Variants in FCGR3B observed in about 807,000 individuals in gnomAD.
The protein encoded by FCGR3B is low affinity immunoglobulin gamma Fc region receptor III-B.
FCGR3B carries 20 observed loss-of-function variants against 26.7 expected under a neutral mutation model. The observed-to-expected ratio is 0.75, with a 90% CI of 0.53 to 1.09. The LOEUF is 1.09. Ranked by LOEUF, FCGR3B falls within the 50% of genes least tolerant of loss-of-function variation. FCGR3B has a pLI of 0.00. For synonymous variants in FCGR3B, 79 were observed against 107.0 expected, an observed-to-expected ratio of 0.74 and a Z score of 1.62; for missense variants, 191 against 279.7, an observed-to-expected ratio of 0.68 and a Z score of 2.26.
chr1:161,628,486 G>C (rs959499719), intron 3 of FCGR3B, among the ~76,000 whole-genome samples: 4 of 149,458 alleles, frequency 2.7e-5, no homozygotes, highest in African/African-American at 7.5e-5. Flanking sequence ...GTAACTCCTA[G>C]ACTTGATTTT....
rs371777150 is a variant in FCGR3B, at chr1:161,627,093, G to A, written c.320-691C>T. On this transcript the variant is annotated intron_variant, in intron 3 of 4. Transcript: ENST00000650385. The stretch of plus-strand genomic sequence containing the variant: ...CGCCAGAGCTTATTCTCACAATCAT[G>A]TCACCAAGTAATCAGACTTCACAAA... Among the ~76,000 whole-genome samples the A allele has an allele frequency of 5.3e-5, 8 of 150,086 alleles. 1 individual carries two copies. In the East Asian group the frequency reaches 9.7e-4, roughly 18 times the overall value.
chr1:161,624,422 A>T lies in FCGR3B; in HGVS notation c.*93T>A, dbSNP rs1679356850. The T allele has an allele frequency of 7.0e-7, 1 of 1,422,398 alleles. No homozygotes were observed. Among genetic ancestry groups the T allele is most frequent in the Admixed American group, 1.9e-5 (1 of 53,072 alleles). The allele number at this position is 1,422,398 out of a possible 1,614,324, so 88.1% of individuals were successfully genotyped here. ...AGAAATGTTCAGAGATGCTGCTGCC[A>T]CTGCTCTTATTACCCCCATGGGATG... On this transcript the variant is annotated 3_prime_UTR_variant, in exon 5 of 5. Coordinates refer to ENST00000650385, the MANE Select transcript of FCGR3B (RefSeq NM_001244753.2).
rs1208474294 is a variant in FCGR3B, at chr1:161,625,781, C to T, written c.577+364G>A. Among the ~76,000 whole-genome samples the T allele has an allele frequency of 1.9e-4, 27 of 143,698 alleles. 1 individual carries two copies. The highest frequency in any genetic ancestry group is 6.7e-4 in the African/African-American group (25 of 37,526). The allele number at this position is 143,698 out of a possible 152,430, so 94.3% of individuals were successfully genotyped here. A position where few individuals can be genotyped will look rare whatever the true frequency, so the allele number is the denominator to read the frequency against. On this transcript the variant is annotated intron_variant, in intron 4 of 4. Coordinates refer to ENST00000650385, the MANE Select transcript of FCGR3B (RefSeq NM_001244753.2). ...ATGAGGGGCTCCTGCCAGTTTGGAT[C>T]GTGGCTAAAAGGCTTGGATAAGAAG...
chr1:161,631,328 G>C (rs61803026), upstream of FCGR3B: 373,064 of 984,150 alleles, frequency 0.38, 70,577 homozygotes, highest in East Asian at 0.69. Context: ...GTGGGTGGGT[G>C]TGCCCCCTTT....
At position 161,627,604 on chromosome 1, in the gene FCGR3B, G is replaced by A. The variant is rs556927585; in HGVS notation, c.320-1202C>T. On this transcript the variant is annotated intron_variant, in intron 3 of 4. Transcript: ENST00000650385. The stretch of plus-strand genomic sequence containing the variant: ...TATCATTTATCAAAAGAAGCCATGT[G>A]CCTATCTATCCACTTACTTTTTCAG... Among the ~76,000 whole-genome samples, 17 of 150,386 alleles carry A rather than the reference G, an allele frequency of 1.1e-4. 3 individuals are homozygous for A. Among genetic ancestry groups the A allele is most frequent in the African/African-American group, 4.0e-4 (16 of 40,488 alleles).
rs945036452 is a variant in FCGR3B at position 161,628,187 on chromosome 1, C to T, written c.319+1591G>A. On this transcript the variant is annotated intron_variant, in intron 3 of 4. Coordinates refer to ENST00000650385, the MANE Select transcript of FCGR3B (RefSeq NM_001244753.2). ...AGTTGGGAGGCTGAAGCAGGAGAAT[C>T]GCTGGAACCAGGGAGGTGGAGGTTG... Among the ~76,000 whole-genome samples the T allele has an allele frequency of 2.7e-5, 4 of 149,914 alleles. 1 individual carries two copies. Among genetic ancestry groups the T allele is most frequent in the African/African-American group, 5.0e-5 (2 of 40,214 alleles).
In FCGR3B at chr1:161,630,774, C is replaced by A. The variant is rs192870884; in HGVS notation, c.40+281G>T. 218 of 615,240 alleles carry A rather than the reference C, an allele frequency of 3.5e-4. 9 individuals carry two copies. The African/African-American group carries it at 3.7e-3, about 10-fold the overall frequency. 38.1% of individuals were successfully genotyped at this position (615,240 alleles called of 1,614,324 possible). A position where few individuals can be genotyped will look rare whatever the true frequency, so the allele number is the denominator to read the frequency against. The stretch of plus-strand genomic sequence containing the variant: ...GAATGTCAAACTGAAAGAGACAGAC[C>A]CTAGGGACCATCTAGTCGAAGCTCT... On this transcript the variant is annotated intron_variant, in intron 1 of 4. Transcript: ENST00000650385.
rs1317358513 is a variant in FCGR3B, at chr1:161,626,155, G to C, written c.567C>G (p.Thr189=). Residue 189 remains threonine (T), a synonymous_variant, in exon 4 of 5, where the codon ACC becomes ACG. Transcript: ENST00000650385. ...KNVSSETVNI[T]ITQGLAVSTI... is the part of the protein sequence containing the mutation. ...TGGCACATGTCTCACCTTGAGTGAT[G>C]GTGATGTTCACAGTCTCTGAAGACA... 6.2e-7 allele frequency: 1 copy of C among 1,609,166 alleles called. No homozygotes were observed. The highest frequency in any genetic ancestry group is 8.5e-7 in the Non-Finnish European group (1 of 1,178,212).
chr1:161,627,742 G>A (rs926851618), intron 3 of FCGR3B, among the ~76,000 whole-genome samples: 2 of 150,146 alleles, frequency 1.3e-5, no homozygotes, highest in African/African-American at 2.5e-5. Flanking sequence ...GAATGCCCAT[G>A]TGTATATTCC....
chr1:161,628,020 T>C (rs1679552684), intron 3 of FCGR3B, among the ~76,000 whole-genome samples: 1 of 150,086 alleles, frequency 6.7e-6, no homozygotes, highest in Non-Finnish European at 1.5e-5. Context: ...ACATCTGTAA[T>C]CCTAGTACTT....
chr1:161,628,478 A>G (rs1003583608), intron 3 of FCGR3B, among the ~76,000 whole-genome samples: 3 of 149,534 alleles, frequency 2.0e-5, no homozygotes, highest in Non-Finnish European at 4.4e-5. Context: ...GCAAACTAGT[A>G]ACTCCTAGAC....
chr1:161,626,962 C>G (rs1679495836), intron 3 of FCGR3B, among the ~76,000 whole-genome samples: 1 of 149,950 alleles, frequency 6.7e-6, no homozygotes, highest in Non-Finnish European at 1.5e-5. Flanking sequence ...AAGGGCGGGA[C>G]TGGTAGTGCT....
At chr1:161,624,745 G>T in intron 4 of FCGR3B, 106 bp from the exon 5 acceptor site, 8 of 1,026,824 alleles carry the variant, frequency 7.8e-6, no homozygotes, top group Non-Finnish European at 1.2e-5. Flanking sequence ...GTGCCAACAG[G>T]CAAGTGGTAG....
chr1:161,627,140 C>T (rs1192994888), intron 3 of FCGR3B, among the ~76,000 whole-genome samples: 9 of 149,718 alleles, frequency 6.0e-5, no homozygotes, highest in African/African-American at 1.5e-4. Context: ...AGGTCATGGT[C>T]GGGAAATGGC....
At position 161,626,207 on chromosome 1, in the gene FCGR3B, C is replaced by A. The variant is rs1329149332; in HGVS notation, c.515G>T (p.Cys172Phe). The A allele has an allele frequency of 1.2e-6, 2 of 1,609,024 alleles. No homozygotes were observed. The highest frequency in any genetic ancestry group is 1.7e-6 in the Non-Finnish European group (2 of 1,177,836). ...ATTTTTACTCCCAACAAGCCCCCTG[C>A]AGAAGTAGGAGCCGCTATCTTTGAG... ...ATLKDSGSYF[C>F]RGLVGSKNVS... Residue 172 changes from cysteine (C) to phenylalanine (F), a missense_variant, in exon 4 of 5, where the codon TGC (cysteine) becomes TTC (phenylalanine). Transcript: ENST00000650385.
At chr1:161,629,085 G>A (rs1477506624) in intron 3 of FCGR3B, among the ~76,000 whole-genome samples, 1 of 111,526 alleles carries the variant, frequency 9.0e-6, no homozygotes, top group African/African-American at 3.3e-5. Flanking sequence ...ACATGTCTGA[G>A]AGCGAGAAGG....
intron 2 of FCGR3B, 146 bp from the exon 3 acceptor site, chr1:161,630,181 G>T (rs537831590): frequency 2.1e-6 from 2 of 931,520 alleles, no homozygotes; most frequent in African/African-American, 4.1e-5. Flanking sequence ...CCCATTTTTG[G>T]CCTGTTCAGT....
rs1679365821 is a variant in FCGR3B at position 161,624,543 on chromosome 1, A to G, written c.674T>C (p.Leu225Pro). The stretch of plus-strand genomic sequence containing the variant: ...AATGTTTGTCTTCACAGAGAAATAT[A>G]GTCCTGTGTCCACTGCAAAAAGGAG... ...MVLLFAVDTGLYFSVKTNI is the reference protein window; with the variant it reads ...MVLLFAVDTGPYFSVKTNI The change falls in exon 5 of 5, where the codon CTA (leucine) becomes CCA (proline). Residue 225 changes from leucine (L) to proline (P), a missense_variant. By Grantham distance (98) the Leu-to-Pro change is moderately conservative. This residue lies in a region of FCGR3B where 103 missense variants were observed against 114.5 expected (regional missense o/e 0.90). Coordinates refer to ENST00000650385, the MANE Select transcript of FCGR3B (RefSeq NM_001244753.2). 1 of 1,607,088 alleles carries G rather than the reference A, an allele frequency of 6.2e-7. No homozygotes were observed. Among genetic ancestry groups the G allele is most frequent in the Non-Finnish European group, 8.5e-7 (1 of 1,176,842 alleles).
At position 161,627,147 on chromosome 1, in the gene FCGR3B, T is replaced by G. The variant is rs1478849961; in HGVS notation, c.320-745A>C. The stretch of plus-strand genomic sequence containing the variant: ...AGAACATGAGGTCATGGTCGGGAAA[T>G]GGCCTGAATAATTAAAAAAATAATG... On this transcript the variant is annotated intron_variant, in intron 3 of 4. Transcript: ENST00000650385. 8.0e-5 allele frequency among the ~76,000 whole-genome samples: 12 copies of G among 149,914 alleles called. 3 individuals are homozygous for G. The highest frequency in any genetic ancestry group is 2.2e-4 in the African/African-American group (9 of 40,228).
Sources: gnomAD v4.1 joint callset for allele counts (sites outside exome capture counted in the v4.1 genomes callset) on GRCh38, gnomAD v4.1.1 for gene constraint, gnomAD v4.1.1 regional missense constraint, MANE v1.5 for transcripts, NCBI Gene and HGNC (gene_info 2026-07-23, HGNC 2026-07-21) for gene names.